The following HPSE2 variants were observed in gnomAD, a reference collection of about 807,000 sequenced individuals.
The protein encoded by HPSE2 is inactive heparanase-2.
Under a neutral mutation model 60.5 loss-of-function variants are expected in HPSE2, and 38 were observed. That is an observed-to-expected ratio of 0.63 (90% CI 0.48 to 0.82). HPSE2 has a LOEUF of 0.82. HPSE2 is among the 40% of genes least tolerant of loss of function. HPSE2 has a pLI of 0.00. For missense variants in HPSE2, 713 were observed against 740.4 expected, an observed-to-expected ratio of 0.96 and a Z score of 0.43; for synonymous variants, 295 against 293.2, an observed-to-expected ratio of 1.01 and a Z score of -0.06.
At chr10:98,511,803 G>A (rs1203314841) in intron 9 of HPSE2, among the ~76,000 whole-genome samples, 1 of 152,134 alleles carries the variant, frequency 6.6e-6, no homozygotes, top group East Asian at 1.9e-4. Flanking sequence ...CAAAGGTCAT[G>A]GTTTTCCTGG....
chr10:98,536,433 A>T (rs1028552546), intron 9 of HPSE2, among the ~76,000 whole-genome samples: 1 of 152,234 alleles, frequency 6.6e-6, no homozygotes, highest in Non-Finnish European at 1.5e-5. Context: ...GAGCACTTCA[A>T]TGTGAACAAA....
chr10:99,234,185 A>T (rs1403926456), intron 1 of HPSE2, among the ~76,000 whole-genome samples: 1 of 152,186 alleles, frequency 6.6e-6, no homozygotes, highest in Non-Finnish European at 1.5e-5. Context: ...CCCTCGCGGC[A>T]ACCGCACCAA....
chr10:99,001,337 C>T (rs766392308), intron 3 of HPSE2, among the ~76,000 whole-genome samples: 13 of 151,996 alleles, frequency 8.6e-5, no homozygotes, highest in Admixed American at 3.3e-4. Context: ...TTCCTGGAAC[C>T]TTTGGTTCTA....
chr10:99,151,754 A>T (rs1201691527), intron 2 of HPSE2, among the ~76,000 whole-genome samples: 1 of 152,148 alleles, frequency 6.6e-6, no homozygotes, highest in Non-Finnish European at 1.5e-5. Flanking sequence ...TTAAAAAAAA[A>T]TAAAGGAAAT....
chr10:99,175,257 C>T (rs1317047183), intron 2 of HPSE2, among the ~76,000 whole-genome samples: 4 of 152,120 alleles, frequency 2.6e-5, no homozygotes, highest in African/African-American at 9.7e-5. Flanking sequence ...GTTCCTGGAC[C>T]ACCAGCGAGA....
intron 6 of HPSE2, among the ~76,000 whole-genome samples, chr10:98,677,483 A>T (rs188693153): frequency 2.4e-4 from 37 of 152,332 alleles, no homozygotes; most frequent in Admixed American, 2.3e-3. Flanking sequence ...AAGGAAACTC[A>T]CATTTTATGA....
chr10:98,584,168 T>TAAAAAGAGTG (rs1944877923), intron 9 of HPSE2, among the ~76,000 whole-genome samples: 1 of 152,132 alleles, frequency 6.6e-6, no homozygotes, highest in Non-Finnish European at 1.5e-5. Flanking sequence ...ATAGAAGTCT[T>TAAAAAGAGTG]TGAAAGTAGG....
intron 9 of HPSE2, among the ~76,000 whole-genome samples, chr10:98,597,752 T>A (rs1030951295): frequency 1.3e-5 from 2 of 151,628 alleles, no homozygotes; most frequent in African/African-American, 4.8e-5. Context: ...GAGGCAGGCA[T>A]TTGAGGTCAG....
intron 6 of HPSE2, among the ~76,000 whole-genome samples, chr10:98,647,843 A>C (rs1946813832): frequency 6.6e-6 from 1 of 152,192 alleles, no homozygotes; most frequent in Non-Finnish European, 1.5e-5. Flanking sequence ...TGAAATGAAC[A>C]CTGTTACAAA....
intron 5 of HPSE2, among the ~76,000 whole-genome samples, chr10:98,719,127 A>G (rs1208159235): frequency 6.6e-6 from 1 of 152,184 alleles, no homozygotes; most frequent in Non-Finnish European, 1.5e-5. Context: ...ATGCTTTTCA[A>G]TGCTTCATAA....
chr10:98,970,420 C>T lies in HPSE2; in HGVS notation c.610+173818G>A, dbSNP rs535666397. On this transcript the variant is annotated intron_variant, in intron 3 of 11. Transcript: ENST00000370552. ...TCCAACACCAGAGACCACATTTTAA[C>T]ATGAGATTTGGAGCGGACACATATT... Among the ~76,000 whole-genome samples the T allele has an allele frequency of 2.8e-4, 43 of 152,316 alleles. No individual in the cohort carries two copies. In the South Asian group the frequency reaches 8.7e-3, roughly 31 times the overall value.
chr10:98,767,596 C>T (rs1266697772), intron 3 of HPSE2, among the ~76,000 whole-genome samples: 1 of 143,838 alleles, frequency 7.0e-6, no homozygotes, highest in Non-Finnish European at 1.5e-5. Flanking sequence ...TAGTTATATA[C>T]AATACTATAA....
the HPSE2 span, among the ~76,000 whole-genome samples, chr10:99,286,465 A>C: frequency 6.6e-6 from 1 of 152,250 alleles, no homozygotes; most frequent in Non-Finnish European, 1.5e-5. Flanking sequence ...GATTCCACTT[A>C]TATGAAATAT....
intron 3 of HPSE2, among the ~76,000 whole-genome samples, chr10:98,773,927 C>A (rs972557065): frequency 2.0e-5 from 3 of 151,980 alleles, no homozygotes; most frequent in African/African-American, 7.2e-5. Flanking sequence ...CATTGTGGTA[C>A]ATGCCTGTAG....
chr10:99,218,572 T>C (rs148961958), intron 2 of HPSE2, among the ~76,000 whole-genome samples: 25 of 152,278 alleles, frequency 1.6e-4, no homozygotes, highest in African/African-American at 5.5e-4. Flanking sequence ...TTCAACTTTA[T>C]TGCCATGAGA....
At chr10:99,015,010 T>C (rs1957106161) in intron 3 of HPSE2, among the ~76,000 whole-genome samples, 1 of 152,128 alleles carries the variant, frequency 6.6e-6, no homozygotes, top group South Asian at 2.1e-4. Context: ...GGGCGAAGGA[T>C]ATGAACAGAT....
chr10:98,667,609 A>C (rs1186909254), intron 6 of HPSE2, among the ~76,000 whole-genome samples: 1 of 152,232 alleles, frequency 6.6e-6, no homozygotes, highest in Non-Finnish European at 1.5e-5. Flanking sequence ...CCTGATATGC[A>C]AGGTTGGTTC....
chr10:98,747,462 C>G (rs76199294), intron 3 of HPSE2, among the ~76,000 whole-genome samples: 1,809 of 152,146 alleles, frequency 0.012, 26 homozygotes, highest in African/African-American at 0.041. Context: ...CATATCAAAC[C>G]TTTGATTTCA....
chr10:99,239,896 T>A (rs1564916751), upstream of HPSE2, among the ~76,000 whole-genome samples: 1 of 152,112 alleles, frequency 6.6e-6, no homozygotes, highest in African/African-American at 2.4e-5. Flanking sequence ...TTTAGCTTTA[T>A]GAAAAATCCC....
Sources: allele counts gnomAD v4.1 joint callset (sites outside exome capture counted in the v4.1 genomes callset), GRCh38; gene constraint gnomAD v4.1.1; transcripts MANE v1.5; gene names NCBI Gene and HGNC (gene_info 2026-07-23, HGNC 2026-07-21).